Variants in SRRM1 observed in about 807,000 individuals in gnomAD.
The protein encoded by SRRM1 is serine/arginine repetitive matrix protein 1.
Under a neutral mutation model 110.2 loss-of-function variants are expected in SRRM1, and 19 were observed. The ratio of observed to expected loss-of-function variants is 0.17; its 90% CI spans 0.12 to 0.25. The LOEUF is 0.25. SRRM1 is among the 10% of genes least tolerant of loss of function. The pLI is 1.00. For synonymous variants in SRRM1, 443 were observed against 414.9 expected (o/e 1.07, Z -0.82); for missense variants, 918 against 1,145.8 (o/e 0.80, Z 2.87).
At chr1:24,663,321 T>G (rs1257251957) in intron 12 of SRRM1, 1 of 908,730 alleles carries the variant, frequency 1.1e-6, no homozygotes, top group Non-Finnish European at 1.6e-6. Flanking sequence ...CTTAAATATA[T>G]GGTGGCTGTG....
intron 12 of SRRM1, chr1:24,666,476 T>C: frequency 4.7e-6 from 1 of 213,006 alleles, no homozygotes; most frequent in Non-Finnish European, 9.6e-6. Flanking sequence ...AAGTTAACTA[T>C]ATAGGCCAGG....
chr1:24,651,694 AAACTAC>A, intron 6 of SRRM1, 82 bp downstream of exon 6: 1 of 1,088,116 alleles, frequency 9.2e-7, no homozygotes, highest in Non-Finnish European at 1.3e-6. Context: ...AGTTAAAATA[AAACTAC>A]TTATTTTCCT....
rs369509901 is a variant in SRRM1, at chr1:24,668,500, A to G, written c.1740-623A>G. ...ATTGTAAAGCTAACTCTGGGCAGGA[A>G]TTTACTTTGATCTAAAAGTCTGCAA... On this transcript the variant is annotated intron_variant, in intron 13 of 16. Coordinates refer to ENST00000323848, the MANE Select transcript of SRRM1 (RefSeq NM_005839.4). Among the ~76,000 whole-genome samples the G allele has an allele frequency of 1.0e-3, 158 of 152,308 alleles. 3 individuals carry two copies. In the South Asian group the frequency reaches 0.024, roughly 23 times the overall value.
At chr1:24,656,944 A>G (rs1664471355) in intron 9 of SRRM1, among the ~76,000 whole-genome samples, 1 of 152,170 alleles carries the variant, frequency 6.6e-6, no homozygotes, top group African/African-American at 2.4e-5. Flanking sequence ...GAAAATAAGT[A>G]TTTCTGTGGG....
At position 24,654,937 on chromosome 1, in the gene SRRM1, C is replaced by T; in HGVS notation, c.1123C>T (p.Pro375Ser). 2 of 1,614,198 alleles carry T rather than the reference C, an allele frequency of 1.2e-6. No homozygotes were observed. The highest frequency in any genetic ancestry group is 1.3e-5 in the African/African-American group (1 of 75,028). ...TTCACGGTCACCACCAAAGAAGCCT[C>T]CCAAGAGGACATCCAGCCCCCCTCG... ...SRSRSPPKKP[P>S]KRTSSPPRKT... Residue 375 changes from proline to serine, a missense_variant, in exon 9 of 17, where the codon CCC becomes TCC. Around this residue, in one of 5 missense-constraint regions of SRRM1, gnomAD observed 456 missense variants for 453.5 expected, o/e 1.01. Coordinates refer to ENST00000323848, the MANE Select transcript of SRRM1 (RefSeq NM_005839.4).
Position 24,669,224 on chromosome 1 carries a change from C to T in SRRM1, c.1841C>T (p.Thr614Met), listed in dbSNP as rs778169233. Reference protein sequence around the residue: ...YSPSPPPKRRTASPPPPPKRR... With the variant: ...YSPSPPPKRRMASPPPPPKRR... The stretch of plus-strand genomic sequence containing the variant: ...CCTTCTCCACCTCCAAAGAGAAGAA[C>T]GGCTTCACCTCCTCCCCCTCCTAAA... Residue 614 changes from threonine (T) to methionine (M), a missense_variant, in exon 14 of 17, where the codon ACG (threonine) becomes ATG (methionine). Physicochemically the swap from Thr to Met is moderately conservative, Grantham distance 81 (BLOSUM62 -1). Transcript: ENST00000323848. The T allele has an allele frequency of 2.0e-5, 32 of 1,613,980 alleles. No homozygotes were observed. The highest frequency in any genetic ancestry group is 4.4e-5 in the South Asian group (4 of 91,082).
At chr1:24,650,803 G>T (rs1660206954) in intron 5 of SRRM1, among the ~76,000 whole-genome samples, 1 of 152,154 alleles carries the variant, frequency 6.6e-6, no homozygotes, top group African/African-American at 2.4e-5. Flanking sequence ...TGTCATGGTG[G>T]TAACTACTTG....
intron 8 of SRRM1, 134 bp from the exon 9 acceptor site, chr1:24,654,721 A>G: frequency 9.8e-7 from 1 of 1,022,714 alleles, no homozygotes; most frequent in Non-Finnish European, 1.4e-6. Context: ...ATTCTTTTGG[A>G]CTCATTTATG....
intron 8 of SRRM1, chr1:24,654,248 A>C: frequency 2.2e-5 from 28 of 1,245,348 alleles, no homozygotes; most frequent in Non-Finnish European, 2.7e-5. Context: ...CAGATTGTTT[A>C]AGATTCCCTT....
chr1:24,648,960 A>G lies in SRRM1; in HGVS notation c.336A>G (p.Ala112=), dbSNP rs773150259. 8 of 1,613,992 alleles carry G rather than the reference A, an allele frequency of 5.0e-6. No homozygotes were observed. The South Asian group carries it at 7.7e-5, about 16-fold the overall frequency. Reference sequence around the variant, plus strand: ...AACTGTGGCCCCTGCTGCTAAGTGCACAAGAAAACATCGCGGGAATCCCTT... The same window carrying G: ...AACTGTGGCCCCTGCTGCTAAGTGCGCAAGAAAACATCGCGGGAATCCCTT... ...MGELWPLLLS[A]QENIAGIPSA... Residue 112 remains alanine (A), a synonymous_variant, in exon 4 of 17, where the codon GCA becomes GCG. Coordinates refer to ENST00000323848, the MANE Select transcript of SRRM1 (RefSeq NM_005839.4).
At position 24,649,998 on chromosome 1, in the gene SRRM1, A is replaced by G; in HGVS notation, c.433A>G (p.Lys145Glu). The G allele has an allele frequency of 6.3e-7, 1 of 1,590,908 alleles. No homozygotes were observed. The highest frequency in any genetic ancestry group is 8.5e-7 in the Non-Finnish European group (1 of 1,170,284). The change falls in exon 5 of 17, where the codon AAA (lysine) becomes GAA (glutamate). Residue 145 changes from lysine to glutamate, a missense_variant. Transcript: ENST00000323848. ...TGAACAAGAAAAACTGGCATCTATGAAAAAGCAAGATGAAGACAAAGATAA... is the reference window on the plus strand; with the variant it reads ...TGAACAAGAAAAACTGGCATCTATGGAAAAGCAAGATGAAGACAAAGATAA... ...QIEQEKLASMKKQDEDKDKRD... is the reference protein window; with the variant it reads ...QIEQEKLASMEKQDEDKDKRD...
At chr1:24,648,805 T>A (rs1418285459) in intron 3 of SRRM1, 54 bp from the exon 4 acceptor site, 1 of 1,534,748 alleles carries the variant, frequency 6.5e-7, no homozygotes, top group East Asian at 2.2e-5. Context: ...GTTGATTTGT[T>A]GGTTGGTTGG....
chr1:24,650,350 AT>A (rs1282261128), intron 5 of SRRM1, among the ~76,000 whole-genome samples: 2 of 152,186 alleles, frequency 1.3e-5, no homozygotes, highest in Non-Finnish European at 2.9e-5. Context: ...TTTTTCTTCC[AT>A]ATTGCTTTAG....
intron 9 of SRRM1, among the ~76,000 whole-genome samples, chr1:24,660,056 C>G (rs890189838): frequency 1.3e-5 from 2 of 152,136 alleles, no homozygotes; most frequent in East Asian, 1.9e-4. Flanking sequence ...TTTTCTAGAC[C>G]AAATATCTTT....
rs774299965 is a variant in SRRM1, at chr1:24,646,766, A to G, written c.211A>G (p.Ile71Val). Reference sequence around the variant, plus strand: ...TGAAGATGATGTTGTGATTGAGTTTATATTCAACCAGCTGGAAGTGAAGGT... The same window carrying G: ...TGAAGATGATGTTGTGATTGAGTTTGTATTCAACCAGCTGGAAGTGAAGGT... ...GFEDDVVIEF[I>V]FNQLEVKNPD... is the part of the protein sequence containing the mutation. Residue 71 changes from isoleucine to valine, a missense_variant, in exon 3 of 17, where the codon ATA (isoleucine) becomes GTA (valine). Ile to Val is a conservative substitution (Grantham distance 29, BLOSUM62 3). This residue lies in a region of SRRM1 where 38 missense variants were observed against 144.5 expected (regional missense o/e 0.26). Coordinates refer to ENST00000323848, the MANE Select transcript of SRRM1 (RefSeq NM_005839.4). 6.2e-7 allele frequency: 1 copy of G among 1,604,370 alleles called. No individual in the cohort carries two copies. The highest frequency in any genetic ancestry group is 2.3e-5 in the East Asian group (1 of 44,210).
chr1:24,660,677 T>G, intron 9 of SRRM1, 42 bp from the exon 10 acceptor site: 2 of 1,166,306 alleles, frequency 1.7e-6, no homozygotes, highest in Non-Finnish European at 2.4e-6. Context: ...GTATAGACCT[T>G]TTTTTGTACG....
At chr1:24,661,887 A>T (rs1476047038) in intron 11 of SRRM1, among the ~76,000 whole-genome samples, 1 of 152,034 alleles carries the variant, frequency 6.6e-6, no homozygotes, top group African/African-American at 2.4e-5. Flanking sequence ...GGAGTTCAAG[A>T]CCATCCTGGC....
intron 9 of SRRM1, among the ~76,000 whole-genome samples, chr1:24,656,954 G>A (rs1381089278): frequency 6.6e-6 from 1 of 152,178 alleles, no homozygotes; most frequent in African/African-American, 2.4e-5. Flanking sequence ...ATTTCTGTGG[G>A]TTTTGGGACA....
chr1:24,671,559 A>C lies in SRRM1; in HGVS notation c.2574A>C (p.Ala858=), dbSNP rs143218977. Residue 858 remains alanine (A), a synonymous_variant, in exon 16 of 17, where the codon GCA becomes GCC. Coordinates refer to ENST00000323848, the MANE Select transcript of SRRM1 (RefSeq NM_005839.4). ...TTGCAGCTGCCACAACCACATTAGC[A>C]CAGGAAGAGCCAGTGGCAGCGCCAG... ...AAIAAATTTL[A]QEEPVAAPEP... is the part of the protein sequence containing the mutation. 305 of 1,603,092 alleles carry C rather than the reference A, an allele frequency of 1.9e-4. No individual in the cohort carries two copies. The African/African-American group carries it at 3.9e-3, about 20-fold the overall frequency.
Sources: gnomAD v4.1 joint callset for allele counts (sites outside exome capture counted in the v4.1 genomes callset) on GRCh38, gnomAD v4.1.1 for gene constraint, gnomAD v4.1.1 regional missense constraint, MANE v1.5 for transcripts, NCBI Gene and HGNC (gene_info 2026-07-23, HGNC 2026-07-21) for gene names.